DIP2C: variants seen among roughly 807,000 people sequenced by gnomAD.
The protein encoded by DIP2C is DIP2 acetate--CoA ligase C (putative), also known as disco-interacting protein 2 homolog C.
Under a neutral mutation model 192.4 loss-of-function variants are expected in DIP2C, and 33 were observed. That is an observed-to-expected ratio of 0.17 (90% CI 0.13 to 0.23). DIP2C has a LOEUF of 0.23. Ranked by LOEUF, DIP2C falls within the 10% of genes least tolerant of loss-of-function variation. The pLI is 1.00. For synonymous variants in DIP2C, 979 were observed against 864.1 expected (o/e 1.13, Z -2.33); for missense variants, 1,537 against 2,110.1 (o/e 0.73, Z 5.32).
intron 1 of DIP2C, among the ~76,000 whole-genome samples, chr10:655,278 G>A (rs556961876): frequency 1.4e-4 from 22 of 152,190 alleles, no homozygotes; most frequent in Non-Finnish European, 2.8e-4. Context: ...AAATTCTACT[G>A]CACTCAGTCT....
intron 1 of DIP2C, among the ~76,000 whole-genome samples, chr10:582,657 G>C (rs1244295247): frequency 6.6e-6 from 1 of 152,198 alleles, no homozygotes; most frequent in Non-Finnish European, 1.5e-5. Context: ...GAAGACTAGA[G>C]AATGGTGTGA....
chr10:564,611 C>G (rs1849367701), intron 1 of DIP2C, among the ~76,000 whole-genome samples: 2 of 147,878 alleles, frequency 1.4e-5, no homozygotes, highest in African/African-American at 5.2e-5. Context: ...TTGCCTGTCT[C>G]CTTTTGACCT....
intron 17 of DIP2C, among the ~76,000 whole-genome samples, chr10:372,227 A>G (rs980620018): frequency 6.6e-6 from 1 of 151,984 alleles, no homozygotes; most frequent in African/African-American, 2.4e-5. Context: ...AGGCGCCGCC[A>G]CCACAGCCAG....
intron 1 of DIP2C, among the ~76,000 whole-genome samples, chr10:568,468 G>A (rs74115061): frequency 0.079 from 12,083 of 152,008 alleles, 778 homozygotes; most frequent in African/African-American, 0.17. Flanking sequence ...ACAAGCTTTC[G>A]GAAAAAACTT....
intron 3 of DIP2C, among the ~76,000 whole-genome samples, chr10:454,425 C>T (rs79904439): frequency 0.16 from 24,228 of 151,776 alleles, 4,969 homozygotes; most frequent in African/African-American, 0.48. Context: ...TGTCAGCACC[C>T]CTCAAACCCC....
intron 1 of DIP2C, among the ~76,000 whole-genome samples, chr10:516,072 C>T (rs945185829): frequency 2.0e-5 from 3 of 150,970 alleles, no homozygotes; most frequent in South Asian, 2.1e-4. Context: ...ACTTCCACGA[C>T]GAGAGGAAAC....
rs1054320850 is a variant in DIP2C, at chr10:578,881, G to A, written c.86-92351C>T. Among the ~76,000 whole-genome samples, 13 of 152,026 alleles carry A rather than the reference G, an allele frequency of 8.6e-5. No homozygotes were observed. The South Asian group carries it at 2.5e-3, about 29-fold the overall frequency. Reference sequence around the variant, plus strand: ...TAGGTACACTAACACACATGTACGTGCATAGAGCATACACACATCCAGATC... The same window carrying A: ...TAGGTACACTAACACACATGTACGTACATAGAGCATACACACATCCAGATC... On this transcript the variant is annotated intron_variant, in intron 1 of 36. Coordinates refer to ENST00000280886, the MANE Select transcript of DIP2C (RefSeq NM_014974.3).
Position 330,812 on chromosome 10 carries a change from AT to A in DIP2C, c.3585-1212del, listed in dbSNP as rs56343363. On this transcript the variant is annotated intron_variant, in intron 29 of 36. Coordinates refer to ENST00000280886, the MANE Select transcript of DIP2C (RefSeq NM_014974.3). ...TGAGCCACCATGCCCAACCTACACA[AT>A]TTTTTTTTTTTTTTTTTGAGACAGG... 1.2e-3 allele frequency among the ~76,000 whole-genome samples: 166 copies of A among 133,328 alleles called. 1 individual carries two copies. The highest frequency in any genetic ancestry group is 2.6e-3 in the African/African-American group (91 of 35,424). The allele number at this position is 133,328 out of a possible 152,430, so 87.5% of individuals were successfully genotyped here.
intron 28 of DIP2C, among the ~76,000 whole-genome samples, chr10:342,916 A>T (rs897281460): frequency 6.6e-6 from 1 of 152,240 alleles, no homozygotes; most frequent in Non-Finnish European, 1.5e-5. Context: ...ATTTTCTCAC[A>T]GAAGCTTTCT....
At chr10:575,793 TCCCA>T (rs1198246871) in intron 1 of DIP2C, among the ~76,000 whole-genome samples, 4 of 152,162 alleles carry the variant, frequency 2.6e-5, no homozygotes, top group Non-Finnish European at 5.9e-5. Context: ...CACAGTTTCC[TCCCA>T]CCCAACTAGG....
chr10:373,785 T>C (rs1165333033), intron 17 of DIP2C, among the ~76,000 whole-genome samples: 1 of 152,160 alleles, frequency 6.6e-6, no homozygotes, highest in African/African-American at 2.4e-5. Context: ...GCAGAATATG[T>C]TCCACATGCT....
At chr10:500,147 C>G (rs1255126048) in intron 1 of DIP2C, among the ~76,000 whole-genome samples, 1 of 152,256 alleles carries the variant, frequency 6.6e-6, no homozygotes, top group Admixed American at 6.5e-5. Context: ...ACATCTGTAC[C>G]TGCCAGGGAC....
intron 1 of DIP2C, among the ~76,000 whole-genome samples, chr10:497,743 G>A (rs1844942902): frequency 6.6e-6 from 1 of 152,220 alleles, no homozygotes; most frequent in African/African-American, 2.4e-5. Context: ...CCGCCATACA[G>A]ATGGGATGCA....
At chr10:444,666 C>G (rs1257654615) in intron 3 of DIP2C, among the ~76,000 whole-genome samples, 5 of 151,186 alleles carry the variant, frequency 3.3e-5, no homozygotes, top group Non-Finnish European at 7.4e-5. Flanking sequence ...CGTGTAGATT[C>G]TCCACCGTCA....
intron 19 of DIP2C, 39 bp downstream of exon 19, chr10:366,236 C>G: frequency 1.2e-6 from 2 of 1,605,846 alleles, no homozygotes; most frequent in African/African-American, 1.3e-5. Context: ...GGAGACGGAG[C>G]CACAGATGGT....
intron 3 of DIP2C, among the ~76,000 whole-genome samples, chr10:457,886 T>C (rs1276535887): frequency 2.0e-5 from 3 of 152,160 alleles, no homozygotes; most frequent in Non-Finnish European, 4.4e-5. Context: ...GGGACATCTT[T>C]ATGCTGCGTC....
In DIP2C at chr10:534,295, C is replaced by T. The variant is rs545965527; in HGVS notation, c.86-47765G>A. Among the ~76,000 whole-genome samples, 206 of 152,328 alleles carry T rather than the reference C, an allele frequency of 1.4e-3. 1 individual carries two copies. Among genetic ancestry groups the T allele is most frequent in the African/African-American group, 4.7e-3 (195 of 41,578 alleles). On this transcript the variant is annotated intron_variant, in intron 1 of 36. Coordinates refer to ENST00000280886, the MANE Select transcript of DIP2C (RefSeq NM_014974.3). ...TCATCCCCTTAAAGGGGAAAAGGCG[C>T]CTTCCCACTCCTCTTCCTGCTGGTG... is the stretch of plus-strand genomic sequence containing the variant.
At chr10:474,599 C>T (rs1017380177) in intron 2 of DIP2C, among the ~76,000 whole-genome samples, 2 of 152,056 alleles carry the variant, frequency 1.3e-5, no homozygotes, top group East Asian at 1.9e-4. Context: ...TCATGCTCTT[C>T]AATGCCCCCT....
At chr10:566,796 A>C (rs1175954131) in intron 1 of DIP2C, among the ~76,000 whole-genome samples, 1 of 152,236 alleles carries the variant, frequency 6.6e-6, no homozygotes, top group African/African-American at 2.4e-5. Context: ...CCTGGCTCAC[A>C]GGCACCATGC....
Sources: gnomAD v4.1 joint callset for allele counts (sites outside exome capture counted in the v4.1 genomes callset) on GRCh38, gnomAD v4.1.1 for gene constraint, MANE v1.5 for transcripts, NCBI Gene and HGNC (gene_info 2026-07-23, HGNC 2026-07-21) for gene names.